Variants in STK3 observed in about 807,000 individuals in gnomAD.
STK3 encodes serine/threonine kinase 3.
STK3 carries 41 observed loss-of-function variants against 58.0 expected under a neutral mutation model. The ratio of observed to expected loss-of-function variants is 0.71; its 90% CI spans 0.55 to 0.92. The LOEUF is 0.92. STK3 is among the 40% of genes least tolerant of loss of function. The pLI, the probability that STK3 is intolerant of heterozygous loss-of-function variation, is 0.00. For missense variants in STK3, 479 were observed against 602.7 expected, an observed-to-expected ratio of 0.79 and a Z score of 2.15; for synonymous variants, 170 against 191.0, an observed-to-expected ratio of 0.89 and a Z score of 0.91.
the STK3 span, among the ~76,000 whole-genome samples, chr8:98,363,281 G>T: frequency 3.3e-5 from 5 of 152,292 alleles, no homozygotes; most frequent in East Asian, 9.7e-4. Flanking sequence ...ATCTATCTCT[G>T]GTGGGGAGCC....
At chr8:98,790,723 G>A (rs536794687) in intron 1 of STK3, among the ~76,000 whole-genome samples, 1 of 152,170 alleles carries the variant, frequency 6.6e-6, no homozygotes, top group East Asian at 1.9e-4. Flanking sequence ...GGTGGCTCAC[G>A]CCTGTAACCC....
intron 1 of STK3, among the ~76,000 whole-genome samples, chr8:98,808,928 GAGA>G (rs1834048606): frequency 6.6e-6 from 1 of 152,124 alleles, no homozygotes. Context: ...CCAGGGAGGG[GAGA>G]AGGACTAGAG....
intron 8 of STK3, among the ~76,000 whole-genome samples, chr8:98,561,036 A>AAAAAG (rs1189089535): frequency 6.6e-6 from 1 of 152,144 alleles, no homozygotes; most frequent in African/African-American, 2.4e-5. Context: ...GCCGTGTCCA[A>AAAAAG]AAAAGAAAAG....
intron 1 of STK3, among the ~76,000 whole-genome samples, chr8:98,928,110 G>A (rs1839870165): frequency 6.6e-6 from 1 of 152,210 alleles, no homozygotes; most frequent in Non-Finnish European, 1.5e-5. Flanking sequence ...GTCAGAATGT[G>A]TTCAAAGCAG....
At chr8:98,758,087 A>G (rs1001761697) in intron 3 of STK3, among the ~76,000 whole-genome samples, 2 of 152,256 alleles carry the variant, frequency 1.3e-5, no homozygotes, top group Admixed American at 6.5e-5. Flanking sequence ...AGGCAAATCT[A>G]TAAGATATTG....
intron 7 of STK3, among the ~76,000 whole-genome samples, chr8:98,585,599 G>C (rs1326664756): frequency 6.7e-6 from 1 of 149,138 alleles, no homozygotes; most frequent in Non-Finnish European, 1.5e-5. Context: ...GGTTCCATAT[G>C]AACTTTAAAG....
intron 10 of STK3, among the ~76,000 whole-genome samples, chr8:98,514,127 A>T (rs1480269547): frequency 6.6e-6 from 1 of 151,992 alleles, no homozygotes; most frequent in Non-Finnish European, 1.5e-5. Context: ...CTCTCTCTCC[A>T]AGAATTAGAC....
chr8:98,849,594 A>G (rs1419057019), intron 3 of STK3, among the ~76,000 whole-genome samples: 1 of 152,210 alleles, frequency 6.6e-6, no homozygotes, highest in African/African-American at 2.4e-5. Context: ...GCAAGGGTTC[A>G]AACTGAATAG....
At chr8:98,535,043 T>G (rs768314520) in intron 9 of STK3, among the ~76,000 whole-genome samples, 1 of 152,174 alleles carries the variant, frequency 6.6e-6, no homozygotes, top group Non-Finnish European at 1.5e-5. Flanking sequence ...CATCAAGAAG[T>G]CTTAAAATGT....
intron 3 of STK3, among the ~76,000 whole-genome samples, chr8:98,761,662 T>G (rs1830625277): frequency 6.6e-6 from 1 of 152,210 alleles, no homozygotes; most frequent in Admixed American, 6.5e-5. Flanking sequence ...GATATTCTAT[T>G]AAAACTGAGC....
chr8:98,613,811 A>C lies in STK3; in HGVS notation c.685-17642T>G, dbSNP rs1817405860. 2.6e-5 allele frequency among the ~76,000 whole-genome samples: 4 copies of C among 152,282 alleles called. No individual in the cohort carries two copies. In the South Asian group the frequency reaches 8.3e-4, roughly 32 times the overall value. ...TATGTAGTATATAAGAAACTAACTT[A>C]TAATATAAAAATACAGGCATGTTGA... On this transcript the variant is annotated intron_variant, in intron 6 of 10. Coordinates refer to ENST00000419617, the MANE Select transcript of STK3 (RefSeq NM_006281.4).
chr8:98,693,253 C>A (rs1380169912), intron 6 of STK3, among the ~76,000 whole-genome samples: 1 of 152,016 alleles, frequency 6.6e-6, no homozygotes, highest in South Asian at 2.1e-4. Context: ...TAAGATTTAG[C>A]CAGCCATGGT....
intron 9 of STK3, among the ~76,000 whole-genome samples, chr8:98,529,235 T>C (rs1825969617): frequency 6.6e-6 from 1 of 152,010 alleles, no homozygotes; most frequent in South Asian, 2.1e-4. Flanking sequence ...GCCTACTTTA[T>C]GTGGCAAATC....
At chr8:98,845,780 C>A (rs953779179) in intron 3 of STK3, among the ~76,000 whole-genome samples, 1 of 152,184 alleles carries the variant, frequency 6.6e-6, no homozygotes. Flanking sequence ...GAGATACTTA[C>A]TAAAGTGTAT....
intron 10 of STK3, among the ~76,000 whole-genome samples, chr8:98,516,963 C>G (rs1463391319): frequency 6.6e-6 from 1 of 151,974 alleles, no homozygotes; most frequent in Non-Finnish European, 1.5e-5. Flanking sequence ...ACTTGATACT[C>G]TAACCCAGGT....
In STK3 at chr8:98,616,319, C is replaced by T. The variant is rs1233262689; in HGVS notation, c.685-20150G>A. On this transcript the variant is annotated intron_variant, in intron 6 of 10. Transcript: ENST00000419617. The stretch of plus-strand genomic sequence containing the variant: ...AAGAGCTCCTGAAGGAAGCGCTAAA[C>T]ATGGAAAGGAACAACCAGTACCAGC... Among the ~76,000 whole-genome samples, 4 of 137,422 alleles carry T rather than the reference C, an allele frequency of 2.9e-5. No individual in the cohort carries two copies. The East Asian group carries it at 6.4e-4, about 22-fold the overall frequency. 90.2% of individuals were successfully genotyped at this position (137,422 alleles called of 152,430 possible). A position where few individuals can be genotyped will look rare whatever the true frequency, so the allele number is the denominator to read the frequency against.
chr8:98,629,646 C>A (rs1034801443), intron 6 of STK3, among the ~76,000 whole-genome samples: 1 of 152,088 alleles, frequency 6.6e-6, no homozygotes, highest in Non-Finnish European at 1.5e-5. Context: ...CCTGACCAGA[C>A]CAATGGAGGG....
intron 7 of STK3, among the ~76,000 whole-genome samples, chr8:98,588,478 T>C (rs1361950530): frequency 6.6e-6 from 1 of 151,816 alleles, no homozygotes; most frequent in Non-Finnish European, 1.5e-5. Flanking sequence ...GCTGTTAGTC[T>C]GATGGGCTTC....
chr8:98,652,593 C>T (rs4393781), intron 6 of STK3, among the ~76,000 whole-genome samples: 29 of 145,180 alleles, frequency 2.0e-4, no homozygotes, highest in African/African-American at 3.9e-4. Flanking sequence ...ACCCATCTCA[C>T]GTGCAGAGAC....
Sources: gnomAD v4.1 joint callset for allele counts (sites outside exome capture counted in the v4.1 genomes callset) on GRCh38, gnomAD v4.1.1 for gene constraint, MANE v1.5 for transcripts, NCBI Gene and HGNC (gene_info 2026-07-23, HGNC 2026-07-21) for gene names.